The following GNG4 variants were observed in gnomAD, a reference collection of about 807,000 sequenced individuals.
The protein encoded by GNG4 is guanine nucleotide-binding protein G(I)/G(S)/G(O) subunit gamma-4.
A neutral mutation model predicts 5.8 loss-of-function variants in GNG4; 4 were observed. That is an observed-to-expected ratio of 0.69 (90% CI 0.34 to 1.57). The LOEUF (loss-of-function observed/expected upper bound fraction) is 1.57, where lower values mean the gene tolerates loss of function less well. GNG4 is among the 40% of genes most tolerant of loss of function. The pLI is 0.06. For synonymous variants in GNG4, 29 were observed against 32.9 expected (o/e 0.88, Z 0.41); for missense variants, 96 against 95.1 (o/e 1.01, Z -0.04).
intron 1 of GNG4, among the ~76,000 whole-genome samples, chr1:235,637,478 C>A (rs1447451832): frequency 6.6e-6 from 1 of 151,662 alleles, no homozygotes; most frequent in East Asian, 1.9e-4. Flanking sequence ...CATGGCGAAA[C>A]CCCTTCTCTA....
chr1:235,646,585 C>T (rs776885508), intron 1 of GNG4, among the ~76,000 whole-genome samples: 6 of 152,190 alleles, frequency 3.9e-5, no homozygotes, highest in Non-Finnish European at 8.8e-5. Flanking sequence ...GACCCACAAA[C>T]CTCACGGCCA....
chr1:235,607,421 G>A (rs1297948498), intron 1 of GNG4, among the ~76,000 whole-genome samples: 3 of 152,174 alleles, frequency 2.0e-5, no homozygotes, highest in African/African-American at 4.8e-5. Context: ...TACACAGCAC[G>A]GATGGACAGT....
rs1686733827 is a variant in GNG4 at position 235,551,121 on chromosome 1, T to C, written c.*988A>G. 6.6e-6 allele frequency: 1 copy of C among 152,272 alleles called. No homozygotes were observed. Among genetic ancestry groups the C allele is most frequent in the African/African-American group, 2.4e-5 (1 of 41,442 alleles). The allele number at this position is 152,272 out of a possible 1,614,324, so 9.4% of individuals were successfully genotyped here. A position where few individuals can be genotyped will look rare whatever the true frequency, so the allele number is the denominator to read the frequency against. On this transcript the variant is annotated 3_prime_UTR_variant, in exon 4 of 4. Transcript: ENST00000391854. ...GGTCTGCCACAGCGCGTCAACGGTA[T>C]GGGGTACTTTTACAGTCAAGTTGAC...
At chr1:235,631,898 C>A (rs1232067184) in intron 1 of GNG4, among the ~76,000 whole-genome samples, 1 of 151,978 alleles carries the variant, frequency 6.6e-6, no homozygotes, top group Non-Finnish European at 1.5e-5. Flanking sequence ...AGTGGCAATA[C>A]GTGGATGAGT....
At chr1:235,579,215 T>C (rs936590299) in intron 3 of GNG4, among the ~76,000 whole-genome samples, 5 of 152,006 alleles carry the variant, frequency 3.3e-5, no homozygotes, top group Non-Finnish European at 5.9e-5. Flanking sequence ...GAGAATAGGT[T>C]TTAAGTGTTC....
rs144086002 is a variant in GNG4, at chr1:235,590,448, G to C, written c.-11+4952C>G. ...CCAGCCTGGGTGACAGAGTGAGACT[G>C]TCTGGAAAAAAAAAGAAGGTGGAGA... On this transcript the variant is annotated intron_variant, in intron 2 of 3. Coordinates refer to ENST00000391854, the MANE Select transcript of GNG4 (RefSeq NM_001098722.2). 1.0e-2 allele frequency among the ~76,000 whole-genome samples: 1,506 copies of C among 151,226 alleles called. 93 individuals are homozygous for C. Among genetic ancestry groups the C allele is most frequent in the Admixed American group, 0.089 (1,355 of 15,176 alleles).
At chr1:235,587,350 T>G in intron 2 of GNG4, among the ~76,000 whole-genome samples, 1 of 61,776 alleles carries the variant, frequency 1.6e-5, no homozygotes, top group Admixed American at 2.1e-4. Flanking sequence ...TGTATGAGGG[T>G]CAGGGGTGGG....
At chr1:235,622,587 C>A (rs4319319) in intron 1 of GNG4, among the ~76,000 whole-genome samples, 15 of 151,780 alleles carry the variant, frequency 9.9e-5, no homozygotes, top group Admixed American at 9.9e-4. Flanking sequence ...CGGTGGCTCA[C>A]CTGAGGTCAG....
At position 235,623,608 on chromosome 1, in the gene GNG4, G is replaced by A. The variant is rs531660776; in HGVS notation, c.-123+26054C>T. ...CTCTCCATATGCCACTCCCTCTGCT[G>A]AGAACGCTCTTCCTTTCTTGTCTGG... On this transcript the variant is annotated intron_variant, in intron 1 of 3. Coordinates refer to ENST00000391854, the MANE Select transcript of GNG4 (RefSeq NM_001098722.2). Among the ~76,000 whole-genome samples the A allele has an allele frequency of 1.9e-4, 29 of 152,134 alleles. No homozygotes were observed. The East Asian group carries it at 5.6e-3, about 29-fold the overall frequency.
At chr1:235,616,578 G>A (rs1398114186) in intron 1 of GNG4, among the ~76,000 whole-genome samples, 1 of 152,146 alleles carries the variant, frequency 6.6e-6, no homozygotes, top group Admixed American at 6.6e-5. Context: ...AGGAAGAAAC[G>A]TCCCTAGTAA....
chr1:235,600,801 T>C (rs998864754), intron 1 of GNG4, among the ~76,000 whole-genome samples: 3 of 152,248 alleles, frequency 2.0e-5, no homozygotes, highest in African/African-American at 4.8e-5. Flanking sequence ...GAAGAAAATA[T>C]ATTCATCTTT....
intron 3 of GNG4, among the ~76,000 whole-genome samples, chr1:235,581,521 GAA>G (rs879719529): frequency 2.2e-5 from 3 of 135,446 alleles, no homozygotes; most frequent in Non-Finnish European, 4.9e-5. Flanking sequence ...TCTCAAAAAA[GAA>G]AAAAAAAAAA....
intron 2 of GNG4, among the ~76,000 whole-genome samples, chr1:235,585,761 G>A (rs766890617): frequency 2.6e-5 from 4 of 151,984 alleles, no homozygotes; most frequent in Non-Finnish European, 5.9e-5. Context: ...TGGAATTACT[G>A]GGTCAAAGGT....
chr1:235,592,640 A>T (rs1687999522), intron 2 of GNG4, among the ~76,000 whole-genome samples: 1 of 152,200 alleles, frequency 6.6e-6, no homozygotes, highest in African/African-American at 2.4e-5. Flanking sequence ...GCAAATCAGA[A>T]GATCTTTAAA....
At chr1:235,650,373 G>A (rs1657653512), upstream of GNG4, among the ~76,000 whole-genome samples, 1 of 150,764 alleles carries the variant, frequency 6.6e-6, no homozygotes, top group African/African-American at 2.4e-5. Context: ...TTGCTGGAGG[G>A]GTCTGGGGAC....
At chr1:235,593,193 C>A (rs1267318366) in intron 2 of GNG4, among the ~76,000 whole-genome samples, 1 of 152,158 alleles carries the variant, frequency 6.6e-6, no homozygotes, top group Non-Finnish European at 1.5e-5. Flanking sequence ...AGGTCATCCA[C>A]CCGTCTTGGC....
At chr1:235,637,524 G>C (rs61834631) in intron 1 of GNG4, among the ~76,000 whole-genome samples, 1 of 151,934 alleles carries the variant, frequency 6.6e-6, no homozygotes, top group African/African-American at 2.4e-5. Context: ...GCGGTGGCGC[G>C]TGCCTGCAAT....
At chr1:235,564,327 A>T (rs1183147492) in intron 3 of GNG4, among the ~76,000 whole-genome samples, 2 of 152,166 alleles carry the variant, frequency 1.3e-5, no homozygotes, top group African/African-American at 2.4e-5. Context: ...CCTGTTGGGT[A>T]CTATGCTGAC....
chr1:235,625,196 T>C (rs930277937), intron 1 of GNG4, among the ~76,000 whole-genome samples: 5 of 152,310 alleles, frequency 3.3e-5, no homozygotes, highest in Admixed American at 1.3e-4. Flanking sequence ...TGCTTTCTCC[T>C]CTTGCCCTGG....
Sources: gnomAD v4.1 joint callset for allele counts (sites outside exome capture counted in the v4.1 genomes callset) on GRCh38, gnomAD v4.1.1 for gene constraint, MANE v1.5 for transcripts, NCBI Gene and HGNC (gene_info 2026-07-23, HGNC 2026-07-21) for gene names.